The following C4orf17 variants were observed in gnomAD, a reference collection of about 807,000 sequenced individuals.
C4orf17 encodes chromosome 4 open reading frame 17.
Under a neutral mutation model 32.0 loss-of-function variants are expected in C4orf17, and 25 were observed. The ratio of observed to expected loss-of-function variants is 0.78; its 90% CI spans 0.57 to 1.09. The LOEUF (loss-of-function observed/expected upper bound fraction) is 1.09. C4orf17 is among the 50% of genes least tolerant of loss of function. The pLI is 0.00. For missense variants in C4orf17, 420 were observed against 420.0 expected (o/e 1.00, Z 0.00); for synonymous variants, 149 against 145.8 (o/e 1.02, Z -0.16).
At chr4:99,524,615 TTA>T in intron 4 of C4orf17, 30 bp downstream of exon 4, 1 of 1,328,542 alleles carries the variant, frequency 7.5e-7, no homozygotes, top group Non-Finnish European at 1.1e-6. Context: ...TGCTATCTAT[TTA>T]GTTTGACTTC....
intron 4 of C4orf17, among the ~76,000 whole-genome samples, chr4:99,526,874 G>A (rs571950511): frequency 6.6e-6 from 1 of 152,006 alleles, no homozygotes; most frequent in South Asian, 2.1e-4. Flanking sequence ...AGGTTTGTGA[G>A]TTTTATTGAT....
intron 2 of C4orf17, among the ~76,000 whole-genome samples, chr4:99,516,849 C>T (rs893871817): frequency 2.0e-5 from 3 of 152,102 alleles, no homozygotes; most frequent in Non-Finnish European, 2.9e-5. Context: ...TTCTTCTCCT[C>T]GGGGCCCCTC....
chr4:99,541,177 T>G (rs1248930367), intron 8 of C4orf17: 1 of 152,254 alleles, frequency 6.6e-6, no homozygotes, highest in Non-Finnish European at 1.5e-5. Flanking sequence ...TAGAGCTCAC[T>G]GGGGTCACCC....
chr4:99,527,575 C>T (rs145542775), intron 4 of C4orf17, among the ~76,000 whole-genome samples: 585 of 152,344 alleles, frequency 3.8e-3, no homozygotes, highest in Non-Finnish European at 6.3e-3. Flanking sequence ...GAGCACACAA[C>T]CTACATCCCT....
In C4orf17 at chr4:99,512,992, C is replaced by A; in HGVS notation, c.-90C>A. ...GTTTGTCATTTTGTGATTTCAGGGT[C>A]TGAGCACATCTGGAAGTGAGGTCAA... On this transcript the variant is annotated 5_prime_UTR_variant, in exon 2 of 9. In the 5' UTR this introduces an upstream ATG that the reference lacks. Transcript: ENST00000326581. 1 of 1,365,738 alleles carries A rather than the reference C, an allele frequency of 7.3e-7. No homozygotes were observed. The highest frequency in any genetic ancestry group is 1.3e-5 in the South Asian group (1 of 79,926). 84.6% of individuals were successfully genotyped at this position (1,365,738 alleles called of 1,614,324 possible). A position where few individuals can be genotyped will look rare whatever the true frequency, so the allele number is the denominator to read the frequency against.
At chr4:99,530,238 C>T (rs112352710) in intron 5 of C4orf17, among the ~76,000 whole-genome samples, 3,698 of 152,156 alleles carry the variant, frequency 0.024, 110 homozygotes, top group Middle Eastern at 0.1. Flanking sequence ...TTCCATCTTT[C>T]GTTATCATCT....
At chr4:99,529,554 T>A (rs1209936013) in intron 4 of C4orf17, among the ~76,000 whole-genome samples, 1 of 152,172 alleles carries the variant, frequency 6.6e-6, no homozygotes, top group Non-Finnish European at 1.5e-5. Context: ...ATATAAAAGG[T>A]CATACATTGC....
intron 5 of C4orf17, among the ~76,000 whole-genome samples, chr4:99,533,724 A>G (rs1193133112): frequency 1.3e-5 from 2 of 152,126 alleles, no homozygotes; most frequent in Non-Finnish European, 2.9e-5. Flanking sequence ...TGGTAAGGAG[A>G]GATAATGGGA....
intron 3 of C4orf17, among the ~76,000 whole-genome samples, chr4:99,523,023 A>T (rs1293297000): frequency 6.6e-6 from 1 of 152,156 alleles, no homozygotes; most frequent in Non-Finnish European, 1.5e-5. Flanking sequence ...TGGGGAAATG[A>T]TGTCAGACGA....
intron 2 of C4orf17, among the ~76,000 whole-genome samples, chr4:99,514,953 C>T (rs1195140631): frequency 5.3e-5 from 8 of 152,084 alleles, no homozygotes; most frequent in South Asian, 2.1e-4. Context: ...TCTTTTGCAG[C>T]GACTTGGATG....
chr4:99,539,560 T>A (rs1228999706), intron 7 of C4orf17, among the ~76,000 whole-genome samples, 190 bp downstream of exon 7: 1 of 152,250 alleles, frequency 6.6e-6, no homozygotes, highest in Non-Finnish European at 1.5e-5. Context: ...AATTCTATTG[T>A]TTAGAACATT....
chr4:99,537,271 T>C (rs1022185668), intron 5 of C4orf17, among the ~76,000 whole-genome samples: 1 of 152,166 alleles, frequency 6.6e-6, no homozygotes, highest in African/African-American at 2.4e-5. Context: ...CAAGCCGCAG[T>C]GACAAACCTC....
chr4:99,522,401 G>T lies in C4orf17; in HGVS notation c.128-99G>T. On this transcript the variant is annotated intron_variant, in intron 2 of 8. Transcript: ENST00000326581. ...GTTCAACATTTTACATACATTTAAT[G>T]ATATTTGGTTGGGAAATTGTTGATC... The T allele has an allele frequency of 1.6e-5, 14 of 892,224 alleles. No homozygotes were observed. The South Asian group carries it at 2.2e-4, about 14-fold the overall frequency. 55.3% of individuals were successfully genotyped at this position (892,224 alleles called of 1,614,324 possible).
intron 2 of C4orf17, among the ~76,000 whole-genome samples, chr4:99,518,540 T>G (rs1209376358): frequency 8.6e-4 from 59 of 68,794 alleles, no homozygotes; most frequent in Non-Finnish European, 1.1e-3. Context: ...TATATATATA[T>G]ATATAGAGAG....
chr4:99,526,651 C>CTTTTTT (rs145120945), intron 4 of C4orf17, among the ~76,000 whole-genome samples: 25 of 137,524 alleles, frequency 1.8e-4, no homozygotes, highest in East Asian at 4.2e-4. Context: ...CTTTTCTTTT[C>CTTTTTT]TTTTTTTTTT....
rs763800069 is a variant in C4orf17, at chr4:99,542,064, C to A, written c.1035C>A (p.Asn345Lys). ...PVSARSIQEY[N>K]LCPQRACYPS... ...CAGCAAGGAGTATACAAGAATACAA[C>A]CTCTGTCCCCAAAGAGCATGTTATC... Residue 345 changes from asparagine (N) to lysine (K), a missense_variant, in exon 9 of 9, where the codon AAC becomes AAA. By Grantham distance (94) the Asn-to-Lys change is moderately conservative. Coordinates refer to ENST00000326581, the MANE Select transcript of C4orf17 (RefSeq NM_032149.3). 1.4e-5 allele frequency: 22 copies of A among 1,613,922 alleles called. No homozygotes were observed. In the South Asian group the frequency reaches 2.3e-4, roughly 17 times the overall value.
At chr4:99,523,071 A>G (rs1226988453) in intron 3 of C4orf17, among the ~76,000 whole-genome samples, 1 of 152,190 alleles carries the variant, frequency 6.6e-6, no homozygotes, top group South Asian at 2.1e-4. Flanking sequence ...ATGAAATTGC[A>G]TGTTTACATT....
chr4:99,537,583 A>G, intron 5 of C4orf17, 86 bp from the exon 6 acceptor site: 1 of 921,268 alleles, frequency 1.1e-6, no homozygotes, highest in Non-Finnish European at 1.8e-6. Context: ...ATATTTGGGA[A>G]GATGGGATTC....
rs890255233 is a variant in C4orf17, at chr4:99,522,698, G to A, written c.326G>A (p.Arg109Gln). 2.5e-6 allele frequency: 4 copies of A among 1,613,154 alleles called. No homozygotes were observed. Among genetic ancestry groups the A allele is most frequent in the Admixed American group, 1.7e-5 (1 of 59,990 alleles). ...CCAAACGGTGCCAAAGTGCCTCCACGGCCTCATTCTGGTGAGTTGAGTTAG... is the reference window on the plus strand; with the variant it reads ...CCAAACGGTGCCAAAGTGCCTCCACAGCCTCATTCTGGTGAGTTGAGTTAG... ...PAPNGAKVPP[R>Q]PHSEPSRKIK... is the part of the protein sequence containing the mutation. The change falls in exon 3 of 9, where the codon CGG (arginine) becomes CAG (glutamine). Residue 109 changes from arginine (R) to glutamine (Q), a missense_variant. Coordinates refer to ENST00000326581, the MANE Select transcript of C4orf17 (RefSeq NM_032149.3).
Sources: gnomAD v4.1 joint callset for allele counts (sites outside exome capture counted in the v4.1 genomes callset) on GRCh38, gnomAD v4.1.1 for gene constraint, MANE v1.5 for transcripts, NCBI Gene and HGNC (gene_info 2026-07-23, HGNC 2026-07-21) for gene names.